Variants in TSPAN9 observed in about 807,000 individuals in gnomAD.
TSPAN9 encodes the protein tetraspanin-9.
TSPAN9 carries 16 observed loss-of-function variants against 31.0 expected under a neutral mutation model. The observed-to-expected ratio is 0.52, with a 90% CI of 0.35 to 0.78. The LOEUF (loss-of-function observed/expected upper bound fraction) is 0.78. Among genes scored for constraint, TSPAN9 ranks in the 30% least tolerant of loss-of-function variants. The pLI is 0.01. For missense variants in TSPAN9, 272 were observed against 312.5 expected (o/e 0.87, Z 0.98); for synonymous variants, 145 against 121.6 (o/e 1.19, Z -1.27).
At chr12:3,244,572 A>G (rs541383363) in intron 3 of TSPAN9, among the ~76,000 whole-genome samples, 221 of 151,948 alleles carry the variant, frequency 1.5e-3, no homozygotes, top group African/African-American at 5.1e-3. Context: ...AGGAGAACGC[A>G]CTCTCGAGCC....
chr12:3,162,489 G>T (rs552278831), intron 2 of TSPAN9, among the ~76,000 whole-genome samples: 1 of 152,126 alleles, frequency 6.6e-6, no homozygotes, highest in East Asian at 1.9e-4. Context: ...CAGCAGAGAG[G>T]TTATCAACTC....
At chr12:3,099,902 C>T (rs1272922121) in intron 2 of TSPAN9, among the ~76,000 whole-genome samples, 3 of 145,148 alleles carry the variant, frequency 2.1e-5, no homozygotes, top group Non-Finnish European at 4.5e-5. Context: ...AGTGCAGTGG[C>T]ACAATCTCAG....
At chr12:3,272,543 A>G (rs1460341198) in intron 3 of TSPAN9, among the ~76,000 whole-genome samples, 1 of 151,286 alleles carries the variant, frequency 6.6e-6, no homozygotes, top group Non-Finnish European at 1.5e-5. Flanking sequence ...GGCATGAGCC[A>G]CTGCGCCCGG....
At chr12:3,278,253 C>T (rs1162703251) in intron 3 of TSPAN9, among the ~76,000 whole-genome samples, 168 bp from the exon 4 acceptor site, 1 of 152,226 alleles carries the variant, frequency 6.6e-6, no homozygotes, top group Non-Finnish European at 1.5e-5. Context: ...GTCTGGGTCA[C>T]ACAGCCGACA....
intron 3 of TSPAN9, among the ~76,000 whole-genome samples, chr12:3,233,650 C>T (rs896933724): frequency 6.6e-6 from 1 of 152,090 alleles, no homozygotes; most frequent in African/African-American, 2.4e-5. Flanking sequence ...TTTAATATTT[C>T]ATTGTGTGTT....
chr12:3,264,260 G>T (rs1862502832), intron 3 of TSPAN9, among the ~76,000 whole-genome samples: 1 of 152,134 alleles, frequency 6.6e-6, no homozygotes, highest in Non-Finnish European at 1.5e-5. Flanking sequence ...CCGGGGAAGG[G>T]GGTGGGGACC....
intron 2 of TSPAN9, among the ~76,000 whole-genome samples, chr12:3,166,737 G>A (rs1288509763): frequency 6.6e-6 from 1 of 152,174 alleles, no homozygotes; most frequent in Non-Finnish European, 1.5e-5. Context: ...CTTTACTCCT[G>A]CTCAGGGGTA....
chr12:3,233,349 A>G (rs145333998), intron 3 of TSPAN9, among the ~76,000 whole-genome samples: 67 of 152,286 alleles, frequency 4.4e-4, no homozygotes, highest in Non-Finnish European at 5.6e-4. Context: ...CTGAATGTGG[A>G]TTGTCACAAC....
chr12:3,226,718 A>T (rs865846015), intron 3 of TSPAN9, among the ~76,000 whole-genome samples: 1 of 15,320 alleles, frequency 6.5e-5, no homozygotes. Flanking sequence ...ATGTGTATGT[A>T]TGTGTGTGTG....
At chr12:3,136,774 G>A (rs941103059) in intron 2 of TSPAN9, among the ~76,000 whole-genome samples, 2 of 152,138 alleles carry the variant, frequency 1.3e-5, no homozygotes, top group African/African-American at 4.8e-5. Flanking sequence ...GAGAGTGTGC[G>A]AGAATGAGGA....
At chr12:3,103,730 A>C (rs948316652) in intron 2 of TSPAN9, among the ~76,000 whole-genome samples, 8 of 152,264 alleles carry the variant, frequency 5.3e-5, no homozygotes, top group Admixed American at 4.6e-4. Flanking sequence ...AAGTGGGCTT[A>C]GGGCTTGTGT....
At chr12:3,137,468 C>G (rs887478510) in intron 2 of TSPAN9, among the ~76,000 whole-genome samples, 1 of 152,240 alleles carries the variant, frequency 6.6e-6, no homozygotes, top group Admixed American at 6.5e-5. Context: ...GTTTTTCCAG[C>G]TGACACAGCC....
At chr12:3,148,641 C>T (rs1252181975) in intron 2 of TSPAN9, among the ~76,000 whole-genome samples, 4 of 152,246 alleles carry the variant, frequency 2.6e-5, no homozygotes, top group Non-Finnish European at 5.9e-5. Flanking sequence ...CCAGAGACGA[C>T]TGCCTGAAAG....
intron 3 of TSPAN9, among the ~76,000 whole-genome samples, chr12:3,228,062 T>A (rs894181476): frequency 2.6e-5 from 4 of 152,146 alleles, no homozygotes; most frequent in Admixed American, 6.5e-5. Context: ...ATTAAAAAAA[T>A]CCTTGGCCGG....
Position 3,187,320 on chromosome 12 carries a change from A to G in TSPAN9, c.-17-13857A>G, listed in dbSNP as rs2098361935. On this transcript the variant is annotated intron_variant, in intron 2 of 8. Transcript: ENST00000011898. This position sits in a 1 kb window ranked among gnomAD's most constrained non-coding sequence, Gnocchi z 5.2. ...GATGTGGGGCGTCTCTGCTTTTCCT[A>G]GCTGGGTAATCCTAAATGCATGAGT... 6.6e-6 allele frequency among the ~76,000 whole-genome samples: 1 copy of G among 152,028 alleles called. No individual in the cohort carries two copies. Among genetic ancestry groups the G allele is most frequent in the South Asian group, 2.1e-4 (1 of 4,818 alleles).
chr12:3,205,914 C>T (rs2098374888), intron 3 of TSPAN9, among the ~76,000 whole-genome samples: 1 of 151,534 alleles, frequency 6.6e-6, no homozygotes, highest in Non-Finnish European at 1.5e-5. Flanking sequence ...TTCCTCTCCA[C>T]AGCATTAAAA....
Position 3,278,546 on chromosome 12 carries a change from T to A in TSPAN9, c.189T>A (p.Ile63=). 1 of 1,614,208 alleles carries A rather than the reference T, an allele frequency of 6.2e-7. No homozygotes were observed. The highest frequency in any genetic ancestry group is 8.5e-7 in the Non-Finnish European group (1 of 1,180,036). The change falls in exon 4 of 9, where the codon ATT becomes ATA. Residue 63 remains isoleucine, a synonymous_variant. Transcript: ENST00000011898. ...AANLVIAIGT[I]VMVTGFLGCL... ...ACCTGGTCATTGCCATAGGCACCAT[T>A]GTCATGGTGACGGGCTTCCTCGGCT...
intron 3 of TSPAN9, among the ~76,000 whole-genome samples, chr12:3,246,190 G>A (rs956578604): frequency 4.6e-5 from 7 of 151,624 alleles, no homozygotes; most frequent in African/African-American, 7.3e-5. Flanking sequence ...ATTGCGGGGC[G>A]GGGGGTGGTG....
chr12:3,105,797 C>T lies in TSPAN9; in HGVS notation c.-18+22078C>T, dbSNP rs2153964799. Reference sequence around the variant, plus strand: ...GCACACACGCTCATACACACTCACGCACACATGCGCACACACGCACACGCG... The same window carrying T: ...GCACACACGCTCATACACACTCACGTACACATGCGCACACACGCACACGCG... On this transcript the variant is annotated intron_variant, in intron 2 of 8. Transcript: ENST00000011898. 2.0e-5 allele frequency among the ~76,000 whole-genome samples: 3 copies of T among 151,432 alleles called. No individual in the cohort carries two copies. In the South Asian group the frequency reaches 6.3e-4, roughly 32 times the overall value.
Sources: gnomAD v4.1 joint callset for allele counts (sites outside exome capture counted in the v4.1 genomes callset) on GRCh38, gnomAD v4.1.1 for gene constraint, Gnocchi (gnomAD v3.1) non-coding constraint, MANE v1.5 for transcripts, NCBI Gene and HGNC (gene_info 2026-07-23, HGNC 2026-07-21) for gene names.